Variants in SPRY3 observed in about 807,000 individuals in gnomAD.
SPRY3 encodes the protein sprouty RTK signaling antagonist 3.
A neutral mutation model predicts 20.2 loss-of-function variants in SPRY3; 15 were observed. The ratio of observed to expected loss-of-function variants is 0.74; its 90% CI spans 0.50 to 1.14. SPRY3 has a LOEUF of 1.14. Ranked by LOEUF, SPRY3 falls within the 50% of genes most tolerant of loss-of-function variation. The pLI, the probability that SPRY3 is intolerant of heterozygous loss-of-function variation, is 0.00. For synonymous variants in SPRY3, 143 were observed against 136.5 expected, an observed-to-expected ratio of 1.05 and a Z score of -0.33; for missense variants, 364 against 363.9, an observed-to-expected ratio of 1.00 and a Z score of 0.00.
At chrX:155,736,477 GT>G (rs1235989821) in intron 2 of SPRY3, among the ~76,000 whole-genome samples, 5 of 151,774 alleles carry the variant, frequency 3.3e-5, no homozygotes, top group Admixed American at 6.6e-5. Flanking sequence ...AGGTTGGTGG[GT>G]TTTTTTCTTT....
chrX:155,707,322 A>G (rs913214718), intron 2 of SPRY3, among the ~76,000 whole-genome samples: 2 of 151,150 alleles, frequency 1.3e-5, no homozygotes, highest in Non-Finnish European at 3.0e-5. Context: ...TTTATTTCTA[A>G]TCTAATTTGT....
chrX:155,709,866 T>A, intron 2 of SPRY3, among the ~76,000 whole-genome samples: 1 of 151,778 alleles, frequency 6.6e-6, no homozygotes, highest in Non-Finnish European at 1.5e-5. Flanking sequence ...TCTAGGTTCA[T>A]TCTTCTGCTT....
At chrX:155,618,727 T>C (rs2067861767) in intron 1 of SPRY3, among the ~76,000 whole-genome samples, 1 of 111,694 alleles carries the variant, frequency 9.0e-6, no homozygotes, top group Non-Finnish European at 1.9e-5. Flanking sequence ...ATTTTTTATG[T>C]CAGGTATTCT....
intron 2 of SPRY3, among the ~76,000 whole-genome samples, chrX:155,741,821 C>T: frequency 6.6e-6 from 1 of 152,152 alleles, no homozygotes; most frequent in Middle Eastern, 3.4e-3. Context: ...CACCAGGCCT[C>T]CCTTGCAAGA....
At chrX:155,647,741 A>C (rs1239434862) in intron 1 of SPRY3, among the ~76,000 whole-genome samples, 6 of 111,903 alleles carry the variant, frequency 5.4e-5, no homozygotes, top group Non-Finnish European at 1.1e-4. Flanking sequence ...AGTCTTTGCT[A>C]TTGTGAATAG....
intron 2 of SPRY3, among the ~76,000 whole-genome samples, chrX:155,705,838 C>A (rs1191104738): frequency 6.6e-6 from 1 of 151,230 alleles, no homozygotes; most frequent in African/African-American, 2.4e-5. Context: ...ATGCTCTTTA[C>A]AACATAGTAC....
intron 2 of SPRY3, among the ~76,000 whole-genome samples, chrX:155,722,163 G>A (rs2091063625): frequency 1.3e-5 from 2 of 152,024 alleles, no homozygotes; most frequent in Middle Eastern, 3.2e-3. Flanking sequence ...AAAATAATGG[G>A]TTATAAGCTA....
intron 3 of SPRY3, among the ~76,000 whole-genome samples, chrX:155,773,309 TATATATATATATATA>T (rs2091394331): frequency 5.2e-5 from 7 of 134,142 alleles, no homozygotes; most frequent in Non-Finnish European, 6.4e-5. Context: ...TTTGATTGGA[TATATATATATATATA>T]TATATATATA....
intron 2 of SPRY3, among the ~76,000 whole-genome samples, chrX:155,679,695 A>G (rs2068068078): frequency 8.9e-6 from 1 of 111,928 alleles, no homozygotes; most frequent in African/African-American, 3.2e-5. Context: ...AAATATAGTG[A>G]GGGGAGATAG....
At chrX:155,694,375 T>G (rs1417590571) in intron 2 of SPRY3, among the ~76,000 whole-genome samples, 1 of 111,042 alleles carries the variant, frequency 9.0e-6, no homozygotes, top group African/African-American at 3.3e-5. Context: ...ACAGTTAATA[T>G]TGTACCACTT....
At chrX:155,658,947 G>T (rs1284583033) in intron 2 of SPRY3, among the ~76,000 whole-genome samples, 1 of 111,319 alleles carries the variant, frequency 9.0e-6, no homozygotes, top group East Asian at 2.8e-4. Context: ...TGATCATATG[G>T]TTATTGTTTT....
At chrX:155,768,366 T>C (rs1270166465) in intron 3 of SPRY3, among the ~76,000 whole-genome samples, 2 of 152,208 alleles carry the variant, frequency 1.3e-5, no homozygotes, top group Non-Finnish European at 2.9e-5. Context: ...TAAATCCAAA[T>C]AGGACTTCAA....
intron 3 of SPRY3, among the ~76,000 whole-genome samples, chrX:155,772,005 A>T (rs1280644571): frequency 6.6e-6 from 1 of 152,150 alleles, no homozygotes; most frequent in African/African-American, 2.4e-5. Context: ...TTTCACATAG[A>T]TAGTGAAACT....
At chrX:155,776,345 T>C (rs778341442) in exon 4 of SPRY3, 1 of 167,256 alleles carries the variant, frequency 6.0e-6, no homozygotes, top group African/African-American at 2.4e-5. Flanking sequence ...GCACACACTG[T>C]GCTTGCTCCT....
intron 2 of SPRY3, among the ~76,000 whole-genome samples, chrX:155,747,671 A>G (rs1407093294): frequency 6.6e-6 from 1 of 151,906 alleles, no homozygotes; most frequent in African/African-American, 2.4e-5. Context: ...GGCTATAGCT[A>G]TTAAACTATG....
exon 4 of SPRY3, chrX:155,774,376 C>T: frequency 6.2e-7 from 1 of 1,614,030 alleles, no homozygotes; most frequent in Non-Finnish European, 8.5e-7. Context: ...CTCCTGCTGG[C>T]TGTGCAACCA....
intron 1 of SPRY3, among the ~76,000 whole-genome samples, chrX:155,638,661 A>G (rs1025703956): frequency 2.8e-4 from 31 of 110,376 alleles, no homozygotes; most frequent in Admixed American, 4.9e-4. Context: ...AAATCTGTGG[A>G]AATTTTGGTT....
intron 2 of SPRY3, among the ~76,000 whole-genome samples, chrX:155,737,065 A>G (rs986792403): frequency 3.3e-5 from 5 of 152,020 alleles, no homozygotes; most frequent in African/African-American, 1.2e-4. Context: ...TAGAATTTTC[A>G]TCTATCTGCT....
intron 2 of SPRY3, among the ~76,000 whole-genome samples, chrX:155,697,712 C>T (rs1358074333): frequency 9.2e-6 from 1 of 108,694 alleles, no homozygotes; most frequent in East Asian, 2.9e-4. Flanking sequence ...TAATGCAACC[C>T]ATTTCTCATA....
Sources: gnomAD v4.1 joint callset for allele counts (sites outside exome capture counted in the v4.1 genomes callset) on GRCh38, gnomAD v4.1.1 for gene constraint, MANE v1.5 for transcripts, NCBI Gene and HGNC (gene_info 2026-07-23, HGNC 2026-07-21) for gene names.